The following METTL4 variants were observed in gnomAD, a reference collection of about 807,000 sequenced individuals.
METTL4 encodes the protein N(6)-adenine-specific methyltransferase METTL4.
A neutral mutation model predicts 54.0 loss-of-function variants in METTL4; 40 were observed. That is an observed-to-expected ratio of 0.74 (90% CI 0.58 to 0.96). The LOEUF is 0.96. Among genes scored for constraint, METTL4 ranks in the 50% least tolerant of loss-of-function variants. The pLI, the probability that METTL4 is intolerant of heterozygous loss-of-function variation, is 0.00. For missense variants in METTL4, 525 were observed against 549.0 expected (o/e 0.96, Z 0.44); for synonymous variants, 169 against 183.8 (o/e 0.92, Z 0.65).
intron 2 of METTL4, 121 bp downstream of exon 2, chr18:2,566,700 C>CT: frequency 2.6e-6 from 2 of 757,976 alleles, no homozygotes; most frequent in South Asian, 3.0e-5. Context: ...ATGCTAAAGC[C>CT]TTTTTGGGTT....
intron 5 of METTL4, among the ~76,000 whole-genome samples, chr18:2,552,063 T>G (rs1182299055): frequency 6.6e-6 from 1 of 151,868 alleles, no homozygotes; most frequent in African/African-American, 2.4e-5. Flanking sequence ...CATGGTGGCG[T>G]GCGCCTGTAC....
chr18:2,570,927 T>C (rs1305190005), intron 1 of METTL4, among the ~76,000 whole-genome samples: 1 of 152,198 alleles, frequency 6.6e-6, no homozygotes, highest in Non-Finnish European at 1.5e-5. Context: ...CTACTGTTAC[T>C]GTTGTTAGTG....
In METTL4 at chr18:2,539,124, T is replaced by C; in HGVS notation, c.1295A>G (p.Lys432Arg). The C allele has an allele frequency of 6.2e-7, 1 of 1,613,718 alleles. No individual in the cohort carries two copies. Among genetic ancestry groups the C allele is most frequent in the Non-Finnish European group, 8.5e-7 (1 of 1,179,614 alleles). The part of the protein sequence containing the change: ...PLAEVLKDYI[K>R]PDGEYLELFA... ...CAACTCCAAATATTCCCCATCTGGC[T>C]TGATGTAGTCTTTTAAAACCTCTGT... Residue 432 changes from lysine (K) to arginine (R), a missense_variant, in exon 9 of 9, where the codon AAG becomes AGG. By Grantham distance (26) the Lys-to-Arg change is conservative. Coordinates refer to ENST00000574538, the MANE Select transcript of METTL4 (RefSeq NM_022840.5).
chr18:2,555,312 A>C lies in METTL4; in HGVS notation c.460-274T>G, dbSNP rs1598350416. 1.6e-5 allele frequency: 6 copies of C among 380,880 alleles called. No individual in the cohort carries two copies. In the East Asian group the frequency reaches 3.5e-4, roughly 22 times the overall value. The allele number at this position is 380,880 out of a possible 1,614,324, so 23.6% of individuals were successfully genotyped here. ...CAAACATGTATAAGGTAAATTTGAT[A>C]ATCTGAATGTTTCTAGAAGAAAATG... On this transcript the variant is annotated intron_variant, in intron 3 of 8. Coordinates refer to ENST00000574538, the MANE Select transcript of METTL4 (RefSeq NM_022840.5).
chr18:2,541,372 C>T (rs1298998085), intron 8 of METTL4, among the ~76,000 whole-genome samples: 1 of 152,110 alleles, frequency 6.6e-6, no homozygotes, highest in African/African-American at 2.4e-5. Flanking sequence ...CTAGTCATTT[C>T]GTTTTTGCTC....
chr18:2,563,462 C>T (rs1421436396), intron 3 of METTL4, among the ~76,000 whole-genome samples: 2 of 151,848 alleles, frequency 1.3e-5, no homozygotes, highest in Non-Finnish European at 2.9e-5. Context: ...GGCATGGTGG[C>T]ACACGCCTAT....
Position 2,571,434 on chromosome 18 carries a change from A to AC in METTL4, c.-725dup, listed in dbSNP as rs1354429484. On this transcript the variant is annotated 5_prime_UTR_variant, in exon 1 of 9. An upstream open reading frame in the 5' UTR loses its in-frame stop. Coordinates refer to ENST00000574538, the MANE Select transcript of METTL4 (RefSeq NM_022840.5). ...TAGAGACGGCCACACTGGCCCACAGACCCCAGTTCCTGGGGTGACGCAGCT... is the reference window on the plus strand; with the variant it reads ...TAGAGACGGCCACACTGGCCCACAGACCCCCAGTTCCTGGGGTGACGCAGCT... 6.6e-6 allele frequency: 1 copy of AC among 152,048 alleles called. No homozygotes were observed. Among genetic ancestry groups the AC allele is most frequent in the Non-Finnish European group, 1.5e-5 (1 of 67,996 alleles). The allele number at this position is 152,048 out of a possible 1,614,324, so 9.4% of individuals were successfully genotyped here.
chr18:2,564,013 T>C (rs1447684175), intron 2 of METTL4, among the ~76,000 whole-genome samples, 154 bp from the exon 3 acceptor site: 1 of 152,152 alleles, frequency 6.6e-6, no homozygotes, highest in Admixed American at 6.5e-5. Flanking sequence ...GCAAAGGGTA[T>C]GGAGTGAGGA....
intron 1 of METTL4, among the ~76,000 whole-genome samples, chr18:2,569,990 C>G (rs1053144332): frequency 1.3e-5 from 2 of 152,158 alleles, no homozygotes; most frequent in African/African-American, 4.8e-5. Flanking sequence ...AAAGAGTCAC[C>G]AGGGTTATTC....
intron 3 of METTL4, 148 bp downstream of exon 3, chr18:2,563,649 T>C: frequency 2.7e-6 from 1 of 368,164 alleles, no homozygotes. Context: ...TGTGCATTAC[T>C]ATAAAATTAA....
rs531990121 is a variant in METTL4 at position 2,537,798 on chromosome 18, A to C, written c.*1202T>G. Reference sequence around the variant, plus strand: ...ATGCTTTTCTCAAAATGCTACGTGAAAGAAGCCAGGCACAATAGATTACAC... The same window carrying C: ...ATGCTTTTCTCAAAATGCTACGTGACAGAAGCCAGGCACAATAGATTACAC... On this transcript the variant is annotated 3_prime_UTR_variant, in exon 9 of 9. Coordinates refer to ENST00000574538, the MANE Select transcript of METTL4 (RefSeq NM_022840.5). 6.5e-5 allele frequency: 26 copies of C among 398,430 alleles called. No homozygotes were observed. In the South Asian group the frequency reaches 2.7e-3, roughly 41 times the overall value. 24.7% of individuals were successfully genotyped at this position (398,430 alleles called of 1,614,324 possible).
chr18:2,551,877 T>C (rs931682864), intron 5 of METTL4, among the ~76,000 whole-genome samples: 5 of 151,858 alleles, frequency 3.3e-5, no homozygotes, highest in Non-Finnish European at 7.4e-5. Flanking sequence ...TAAGAGACAA[T>C]GTAACTGAAG....
chr18:2,541,453 T>A (rs1344424634), intron 8 of METTL4, among the ~76,000 whole-genome samples: 1 of 152,118 alleles, frequency 6.6e-6, no homozygotes, highest in Non-Finnish European at 1.5e-5. Flanking sequence ...CAACTAAACT[T>A]CACTCTTCAG....
Position 2,537,751 on chromosome 18 carries a change from C to T in METTL4, c.*1249G>A, listed in dbSNP as rs2071932309. 5.0e-6 allele frequency: 2 copies of T among 396,900 alleles called. No homozygotes were observed. 24.6% of individuals were successfully genotyped at this position (396,900 alleles called of 1,614,324 possible). A position where few individuals can be genotyped will look rare whatever the true frequency, so the allele number is the denominator to read the frequency against. On this transcript the variant is annotated 3_prime_UTR_variant, in exon 9 of 9. Transcript: ENST00000574538. Reference sequence around the variant, plus strand: ...TTTTACTTAGTGGATAAATATTTGTCAACAATCTGTAAATAGTATAAATGC... The same window carrying T: ...TTTTACTTAGTGGATAAATATTTGTTAACAATCTGTAAATAGTATAAATGC...
intron 3 of METTL4, chr18:2,561,901 G>GC (rs2072325130): frequency 6.6e-6 from 1 of 152,060 alleles, no homozygotes; most frequent in South Asian, 2.1e-4. Flanking sequence ...AGTTAACCTT[G>GC]CAAGTGTCAT....
At chr18:2,550,961 G>T (rs2072147023) in intron 5 of METTL4, among the ~76,000 whole-genome samples, 1 of 151,566 alleles carries the variant, frequency 6.6e-6, no homozygotes, top group African/African-American at 2.4e-5. Flanking sequence ...TCAGGAGATC[G>T]AGACCATCCT....
intron 3 of METTL4, among the ~76,000 whole-genome samples, chr18:2,562,681 C>T (rs564793119): frequency 2.9e-4 from 44 of 151,720 alleles, no homozygotes; most frequent in African/African-American, 1.0e-3. Flanking sequence ...AAAAGATGAA[C>T]ATTGTATGAT....
At chr18:2,556,371 A>T (rs1706981041) in intron 3 of METTL4, among the ~76,000 whole-genome samples, 1 of 152,248 alleles carries the variant, frequency 6.6e-6, no homozygotes, top group South Asian at 2.1e-4. Flanking sequence ...AGAGAGTCTC[A>T]GAAAGATCAA....
At chr18:2,548,656 C>G (rs1448892483) in intron 5 of METTL4, among the ~76,000 whole-genome samples, 1 of 152,220 alleles carries the variant, frequency 6.6e-6, no homozygotes, top group African/African-American at 2.4e-5. Flanking sequence ...ATCACTCACA[C>G]TTGCTCCTTC....
Sources: gnomAD v4.1 joint callset for allele counts (sites outside exome capture counted in the v4.1 genomes callset) on GRCh38, gnomAD v4.1.1 for gene constraint, MANE v1.5 for transcripts, NCBI Gene and HGNC (gene_info 2026-07-23, HGNC 2026-07-21) for gene names.